Variants in VRK2 observed in about 807,000 individuals in gnomAD.
VRK2 encodes serine/threonine-protein kinase VRK2.
Under a neutral mutation model 57.6 loss-of-function variants are expected in VRK2, and 60 were observed. That is an observed-to-expected ratio of 1.04 (90% confidence interval 0.85 to 1.29). The LOEUF (loss-of-function observed/expected upper bound fraction) is 1.29. Among genes scored for constraint, VRK2 ranks in the 50% most tolerant of loss-of-function variants. The pLI, the probability that VRK2 is intolerant of heterozygous loss-of-function variation, is 0.00. For synonymous variants in VRK2, 231 were observed against 199.2 expected (o/e 1.16, Z -1.35); for missense variants, 705 against 588.1 (o/e 1.20, Z -2.06).
chr2:58,084,554 G>A (rs1178839051), intron 3 of VRK2, among the ~76,000 whole-genome samples: 1 of 151,894 alleles, frequency 6.6e-6, no homozygotes, highest in Non-Finnish European at 1.5e-5. Context: ...TCACCTGGAT[G>A]TATATGTTGG....
At chr2:58,010,444 A>G (rs918529503) in intron 1 of VRK2, among the ~76,000 whole-genome samples, 8 of 152,010 alleles carry the variant, frequency 5.3e-5, no homozygotes, top group Non-Finnish European at 1.2e-4. Flanking sequence ...TGCCAATTTA[A>G]TATCAAGGGT....
chr2:58,135,884 C>T (rs1367007428), intron 10 of VRK2, among the ~76,000 whole-genome samples: 1 of 152,142 alleles, frequency 6.6e-6, no homozygotes, highest in Admixed American at 6.5e-5. Flanking sequence ...TTGAGTTAGA[C>T]TGTCTTATAC....
chr2:58,135,054 A>G (rs1679817182), intron 9 of VRK2, 87 bp from the exon 10 acceptor site: 11 of 1,444,028 alleles, frequency 7.6e-6, no homozygotes, highest in South Asian at 7.4e-5. Context: ...TTGGTGACCT[A>G]CCAACACATA....
At chr2:58,053,097 A>G (rs1676000091) in intron 2 of VRK2, among the ~76,000 whole-genome samples, 1 of 152,226 alleles carries the variant, frequency 6.6e-6, no homozygotes, top group African/African-American at 2.4e-5. Flanking sequence ...CTTAACCCAC[A>G]CAAGCTAGTT....
chr2:58,127,839 A>G (rs1359087536), intron 8 of VRK2, among the ~76,000 whole-genome samples: 3 of 152,154 alleles, frequency 2.0e-5, no homozygotes, highest in Non-Finnish European at 4.4e-5. Flanking sequence ...GTTACTCGGT[A>G]TAAGAAATAA....
intron 2 of VRK2, among the ~76,000 whole-genome samples, chr2:58,065,927 ATGTTGTG>A (rs144435086): frequency 4.8e-4 from 73 of 152,180 alleles, no homozygotes; most frequent in Middle Eastern, 3.4e-3. Flanking sequence ...TATTAGTAGT[ATGTTGTG>A]TGTTGTGTGT....
intron 1 of VRK2, among the ~76,000 whole-genome samples, chr2:58,024,071 C>T (rs575126337): frequency 1.3e-5 from 2 of 151,684 alleles, no homozygotes; most frequent in South Asian, 2.1e-4. Context: ...CTGCCAGCTC[C>T]GCCTCCCGGG....
At chr2:58,108,999 C>T (rs1025754) in intron 7 of VRK2, among the ~76,000 whole-genome samples, 41,457 of 152,100 alleles carry the variant, frequency 0.27, 6,985 homozygotes, top group African/African-American at 0.48. Flanking sequence ...ATGTAAAGTA[C>T]TTAATGCTCT....
upstream of VRK2, among the ~76,000 whole-genome samples, chr2:58,045,394 AGGGAGCCG>A (rs2103737170): frequency 6.6e-6 from 1 of 152,326 alleles, no homozygotes; most frequent in South Asian, 2.1e-4. Context: ...TCTTCTCAAA[AGGGAGCCG>A]GGGAAGTGGT....
In VRK2 at chr2:58,131,819, C is replaced by A. The variant is rs755287817; in HGVS notation, c.688C>A (p.Arg230=). Residue 230 remains arginine, a synonymous_variant, in exon 9 of 13, where the codon CGA becomes AGA. Coordinates refer to ENST00000340157, the MANE Select transcript of VRK2 (RefSeq NM_006296.7). ...DAHKGVALSR[R]SDVEILGYCM... is the part of the protein sequence containing the mutation. ...GCTTACTCCTATAGCCTTGTCCAGACGAAGTGACGTTGAGATCCTCGGCTA... is the reference window on the plus strand; with the variant it reads ...GCTTACTCCTATAGCCTTGTCCAGAAGAAGTGACGTTGAGATCCTCGGCTA... 4.3e-6 allele frequency: 7 copies of A among 1,612,110 alleles called. No individual in the cohort carries two copies. The highest frequency in any genetic ancestry group is 5.1e-6 in the Non-Finnish European group (6 of 1,179,172).
intron 1 of VRK2, among the ~76,000 whole-genome samples, chr2:57,962,077 A>AAAAC (rs1040941565): frequency 3.9e-5 from 6 of 152,156 alleles, no homozygotes; most frequent in East Asian, 1.9e-4. Flanking sequence ...ACTTGTCTCT[A>AAAAC]AAACAAACAA....
intron 1 of VRK2, among the ~76,000 whole-genome samples, chr2:57,948,823 A>G (rs1308339119): frequency 6.6e-6 from 1 of 152,138 alleles, no homozygotes; most frequent in African/African-American, 2.4e-5. Flanking sequence ...AAGAGACACA[A>G]AATGAGTATT....
At chr2:58,065,347 G>A (rs1313715697) in intron 2 of VRK2, among the ~76,000 whole-genome samples, 2 of 151,990 alleles carry the variant, frequency 1.3e-5, no homozygotes, top group Admixed American at 6.6e-5. Flanking sequence ...GTGGCTTTTG[G>A]GGAATGTATG....
chr2:57,948,112 T>C (rs555038977), intron 1 of VRK2, among the ~76,000 whole-genome samples: 7 of 152,298 alleles, frequency 4.6e-5, no homozygotes, highest in African/African-American at 1.7e-4. Flanking sequence ...GCAAGGATGT[T>C]TTATATTCAA....
intron 1 of VRK2, among the ~76,000 whole-genome samples, chr2:57,945,969 GACC>G (rs2103966639): frequency 6.6e-6 from 1 of 152,176 alleles, no homozygotes; most frequent in Non-Finnish European, 1.5e-5. Context: ...CGGAGCAAAA[GACC>G]CAAAGGTCCA....
At chr2:57,932,910 TTTC>T (rs1670776524) in intron 1 of VRK2, among the ~76,000 whole-genome samples, 1 of 152,220 alleles carries the variant, frequency 6.6e-6, no homozygotes, top group African/African-American at 2.4e-5. Context: ...CTCAAGATAA[TTTC>T]TTATTTCTTT....
At chr2:58,060,841 G>GA (rs1309657009) in intron 2 of VRK2, among the ~76,000 whole-genome samples, 1 of 151,788 alleles carries the variant, frequency 6.6e-6, no homozygotes, top group Non-Finnish European at 1.5e-5. Flanking sequence ...CATACACTTT[G>GA]AAAATAGGAT....
chr2:57,955,482 A>G (rs1364633029), intron 1 of VRK2, among the ~76,000 whole-genome samples: 1 of 152,188 alleles, frequency 6.6e-6, no homozygotes, highest in East Asian at 1.9e-4. Flanking sequence ...TTATCATCAG[A>G]TTTGCTGAAT....
intron 2 of VRK2, among the ~76,000 whole-genome samples, chr2:58,075,779 G>C (rs1434363180): frequency 6.8e-6 from 1 of 147,126 alleles, no homozygotes; most frequent in Non-Finnish European, 1.5e-5. Flanking sequence ...TGTTGATTAG[G>C]TTCTGGCAAA....
Sources: gnomAD v4.1 joint callset for allele counts (sites outside exome capture counted in the v4.1 genomes callset) on GRCh38, gnomAD v4.1.1 for gene constraint, MANE v1.5 for transcripts, NCBI Gene and HGNC (gene_info 2026-07-23, HGNC 2026-07-21) for gene names.